Variants in RANBP2 observed in about 807,000 individuals in gnomAD.
RANBP2 encodes the protein RAN binding protein 2.
A neutral mutation model predicts 303.6 loss-of-function variants in RANBP2; 57 were observed. That is an observed-to-expected ratio of 0.19 (90% CI 0.15 to 0.23). RANBP2 has a LOEUF of 0.23. RANBP2 is among the 10% of genes least tolerant of loss of function. RANBP2 has a pLI of 1.00. For missense variants in RANBP2, 3,138 were observed against 3,780.8 expected (o/e 0.83, Z 4.46); for synonymous variants, 1,167 against 1,301.5 (o/e 0.90, Z 2.23).
chr2:108,834,441 C>G, the RANBP2 span, among the ~76,000 whole-genome samples: 7 of 151,284 alleles, frequency 4.6e-5, no homozygotes. Context: ...TATTGAACAG[C>G]TGACCTTAGG....
At chr2:108,821,472 ATGTT>A in the RANBP2 span, among the ~76,000 whole-genome samples, 1 of 152,206 alleles carries the variant, frequency 6.6e-6, no homozygotes, top group Non-Finnish European at 1.5e-5. Flanking sequence ...TAACTTTAAG[ATGTT>A]TTATGTAATT....
the RANBP2 span, among the ~76,000 whole-genome samples, chr2:109,116,523 T>C: frequency 6.6e-6 from 1 of 152,196 alleles, no homozygotes; most frequent in East Asian, 1.9e-4. Flanking sequence ...ATTCTAGTTA[T>C]ACATTTGTCT....
chr2:109,074,988 T>C, the RANBP2 span, among the ~76,000 whole-genome samples: 1 of 115,188 alleles, frequency 8.7e-6, no homozygotes. Flanking sequence ...ATCACACCAC[T>C]GCACTCCAGC....
At chr2:109,687,943 C>T in the RANBP2 span, among the ~76,000 whole-genome samples, 5 of 152,022 alleles carry the variant, frequency 3.3e-5, no homozygotes, top group South Asian at 2.1e-4. Context: ...ATGGGCTTTT[C>T]GCCATGTTGC....
chr2:108,900,974 A>G, the RANBP2 span, among the ~76,000 whole-genome samples: 1 of 152,212 alleles, frequency 6.6e-6, no homozygotes, highest in Admixed American at 6.5e-5. Flanking sequence ...TCCCTCAGTA[A>G]ATGATAGAAC....
At chr2:109,538,830 T>A in the RANBP2 span, among the ~76,000 whole-genome samples, 1 of 152,252 alleles carries the variant, frequency 6.6e-6, no homozygotes, top group Admixed American at 6.5e-5. Flanking sequence ...GCATTGTCTT[T>A]GTTATGAGAT....
the RANBP2 span, among the ~76,000 whole-genome samples, chr2:109,559,702 C>A: frequency 6.6e-6 from 1 of 152,162 alleles, no homozygotes; most frequent in Non-Finnish European, 1.5e-5. Context: ...CACACTCACT[C>A]CTAAACAAGA....
the RANBP2 span, among the ~76,000 whole-genome samples, chr2:108,869,237 G>A: frequency 1.3e-5 from 2 of 152,052 alleles, no homozygotes; most frequent in Non-Finnish European, 2.9e-5. Flanking sequence ...CCCAGCAAAT[G>A]CCCAATCAAG....
the RANBP2 span, chr2:109,794,614 G>GCGGCGGCGGCGGCGGCGGCCGGGGGGT: frequency 6.9e-5 from 5 of 72,254 alleles, no homozygotes; most frequent in African/African-American, 5.7e-4. Context: ...GCGGCGGGGG[G>GCGGCGGCGGCGGCGGCGGCCGGGGGGT]GGCGGCGGCG....
the RANBP2 span, among the ~76,000 whole-genome samples, chr2:109,423,587 A>G: frequency 3.0e-4 from 46 of 152,238 alleles, no homozygotes; most frequent in Non-Finnish European, 5.0e-4. Flanking sequence ...AGTTCAAGAC[A>G]ATAAGACTCG....
intron 18 of RANBP2, among the ~76,000 whole-genome samples, chr2:108,758,882 C>T (rs931652404): frequency 6.6e-6 from 1 of 151,166 alleles, no homozygotes; most frequent in Non-Finnish European, 1.5e-5. Flanking sequence ...GAACCTACAC[C>T]TCTGGGGAAT....
chr2:108,773,258 C>T (rs1235477568), intron 23 of RANBP2, among the ~76,000 whole-genome samples: 2 of 152,070 alleles, frequency 1.3e-5, no homozygotes, highest in African/African-American at 4.8e-5. Context: ...GTTGGGATTA[C>T]AGGTGCCTGC....
At chr2:109,494,998 T>A in the RANBP2 span, among the ~76,000 whole-genome samples, 1 of 152,124 alleles carries the variant, frequency 6.6e-6, no homozygotes. Flanking sequence ...CAGGCTCAGC[T>A]GCCCTGCCCC....
At chr2:108,949,748 T>G in the RANBP2 span, among the ~76,000 whole-genome samples, 1 of 152,334 alleles carries the variant, frequency 6.6e-6, no homozygotes, top group African/African-American at 2.4e-5. Flanking sequence ...TGTCCTTATT[T>G]CTTCTCAAAC....
At chr2:109,614,152 G>C in the RANBP2 span, 3 of 1,196,844 alleles carry the variant, frequency 2.5e-6, no homozygotes, top group African/African-American at 1.6e-5. Flanking sequence ...ACGGCGCGAG[G>C]AATGCAGGCG....
At chr2:108,823,419 CAT>C in the RANBP2 span, among the ~76,000 whole-genome samples, 24 of 152,318 alleles carry the variant, frequency 1.6e-4, no homozygotes, top group East Asian at 4.6e-3. Context: ...ACAGTACAGT[CAT>C]GTGTTGCTTA....
chr2:109,140,318 T>G, the RANBP2 span, among the ~76,000 whole-genome samples: 1 of 152,262 alleles, frequency 6.6e-6, no homozygotes, highest in East Asian at 1.9e-4. Flanking sequence ...GAATCATAAA[T>G]CTACTTATAA....
the RANBP2 span, among the ~76,000 whole-genome samples, chr2:109,472,521 G>C: frequency 1.2e-4 from 19 of 152,196 alleles, no homozygotes; most frequent in Non-Finnish European, 2.6e-4. Context: ...TTTGATTTAC[G>C]GTTGCTGCCT....
At chr2:108,832,884 C>A in the RANBP2 span, among the ~76,000 whole-genome samples, 20 of 152,186 alleles carry the variant, frequency 1.3e-4, no homozygotes, top group African/African-American at 4.8e-4. Context: ...ACCTGCTGTT[C>A]TAGAACTATA....
Sources: gnomAD v4.1 joint callset for allele counts (sites outside exome capture counted in the v4.1 genomes callset) on GRCh38, gnomAD v4.1.1 for gene constraint, MANE v1.5 for transcripts, NCBI Gene and HGNC (gene_info 2026-07-23, HGNC 2026-07-21) for gene names.